Variants in PRDM15 observed in about 807,000 individuals in gnomAD.
The protein encoded by PRDM15 is PR domain zinc finger protein 15.
Under a neutral mutation model 128.6 loss-of-function variants are expected in PRDM15, and 64 were observed. That is an observed-to-expected ratio of 0.50 (90% CI 0.41 to 0.61). The LOEUF is 0.61. Ranked by LOEUF, PRDM15 falls within the 20% of genes least tolerant of loss-of-function variation. PRDM15 has a pLI of 0.00. For missense variants in PRDM15, 1,242 were observed against 1,569.1 expected (o/e 0.79, Z 3.52); for synonymous variants, 615 against 621.8 (o/e 0.99, Z 0.16).
At chr21:41,843,296 C>G (rs1018807282) in intron 6 of PRDM15, among the ~76,000 whole-genome samples, 3 of 152,126 alleles carry the variant, frequency 2.0e-5, no homozygotes, top group African/African-American at 7.2e-5. Flanking sequence ...TGCTCGATTT[C>G]TTTTCCTTTT....
Position 41,859,637 on chromosome 21 carries a change from C to A in PRDM15, c.86G>T (p.Gly29Val). Reference protein sequence around the residue: ...QYHDSECPELGPVVMVKDSFV... With the variant: ...QYHDSECPELVPVVMVKDSFV... ...GGAGTCTTTGACCATGACCACTGGG[C>A]CCAGCTCGGGACATTCGGAGTCGTG... Residue 29 changes from glycine (G) to valine (V), a missense_variant, in exon 3 of 24, where the codon GGC becomes GTC. Coordinates refer to ENST00000398548, the MANE Select transcript of PRDM15 (RefSeq NM_001040424.3). The surrounding 1 kb of genome is among the most constrained non-coding windows in gnomAD (Gnocchi z 5.3). The A allele has an allele frequency of 6.2e-7, 1 of 1,614,030 alleles. No homozygotes were observed. Among genetic ancestry groups the A allele is most frequent in the South Asian group, 1.1e-5 (1 of 91,076 alleles).
chr21:41,828,080 G>GGCCCTGCTGACTGCTCCATGCC lies in PRDM15; in HGVS notation c.1534+64_1534+85dup. 1 of 1,431,748 alleles carries GGCCCTGCTGACTGCTCCATGCC rather than the reference G, an allele frequency of 7.0e-7. No individual in the cohort carries two copies. The highest frequency in any genetic ancestry group is 9.7e-7 in the Non-Finnish European group (1 of 1,030,244). 88.7% of individuals were successfully genotyped at this position (1,431,748 alleles called of 1,614,324 possible). Reference sequence around the variant, plus strand: ...AGGCGGCACCGAACTGCTCCCCAAAGGCCCTGCTGACTGCTCCATGCCGCC... The same window carrying GGCCCTGCTGACTGCTCCATGCC: ...AGGCGGCACCGAACTGCTCCCCAAAGGCCCTGCTGACTGCTCCATGCCGCCCTGCTGACTGCTCCATGCCGCC... On this transcript the variant is annotated intron_variant, in intron 12 of 23. Coordinates refer to ENST00000398548, the MANE Select transcript of PRDM15 (RefSeq NM_001040424.3). The surrounding 1 kb of genome is among the most constrained non-coding windows in gnomAD (Gnocchi z 5.7).
intron 13 of PRDM15, 46 bp from the exon 14 acceptor site, chr21:41,823,495 C>G (rs750360988): frequency 4.0e-5 from 62 of 1,531,702 alleles, no homozygotes; most frequent in Non-Finnish European, 4.3e-5. Context: ...CGTCTCGTGA[C>G]GGGAAGGAGC....
In PRDM15 at chr21:41,819,630, G is replaced by A. The variant is rs1373971885; in HGVS notation, c.2212C>T (p.Arg738Cys). Reference sequence around the variant, plus strand: ...TACTCGCGGACATTGTCGTGCACACGCATGTGCTCCTTCAGCATGTCCTTC... The same window carrying A: ...TACTCGCGGACATTGTCGTGCACACACATGTGCTCCTTCAGCATGTCCTTC... ...ARKDMLKEHMRVHDNVREYLC... is the reference protein window; with the variant it reads ...ARKDMLKEHMCVHDNVREYLC... Residue 738 changes from arginine (R) to cysteine (C), a missense_variant, in exon 18 of 24, where the codon CGT becomes TGT. By Grantham distance (180) the Arg-to-Cys change is radical. Around this residue, in one of 3 missense-constraint regions of PRDM15, gnomAD observed 602 missense variants for 788.3 expected, o/e 0.76. Transcript: ENST00000398548. 8 of 1,611,628 alleles carry A rather than the reference G, an allele frequency of 5.0e-6. No homozygotes were observed. Among genetic ancestry groups the A allele is most frequent in the East Asian group, 2.2e-5 (1 of 44,832 alleles).
chr21:41,819,985 G>T, intron 17 of PRDM15, 110 bp downstream of exon 17: 1 of 920,248 alleles, frequency 1.1e-6, no homozygotes, highest in Non-Finnish European at 1.7e-6. Context: ...AGGCATGGGG[G>T]AGGCAAGGTG....
chr21:41,819,306 C>T (rs903489011), intron 18 of PRDM15, among the ~76,000 whole-genome samples: 3 of 151,474 alleles, frequency 2.0e-5, no homozygotes, highest in Non-Finnish European at 3.0e-5. Flanking sequence ...GAGCCTGGCC[C>T]GTGGCCCCCA....
intron 6 of PRDM15, among the ~76,000 whole-genome samples, chr21:41,842,439 T>C (rs2063101655): frequency 6.6e-6 from 1 of 152,236 alleles, no homozygotes; most frequent in Non-Finnish European, 1.5e-5. Context: ...GTATTCATAA[T>C]TATGACCATA....
chr21:41,862,728 G>A lies in PRDM15; in HGVS notation c.-9-2356C>T, dbSNP rs2063862413. Among the ~76,000 whole-genome samples the A allele has an allele frequency of 2.0e-5, 3 of 152,176 alleles. No homozygotes were observed. The highest frequency in any genetic ancestry group is 4.4e-5 in the Non-Finnish European group (3 of 68,036). On this transcript the variant is annotated intron_variant, in intron 1 of 23. Transcript: ENST00000398548. The surrounding 1 kb of genome is among the most constrained non-coding windows in gnomAD (Gnocchi z 4.1). ...ACGGAGCATCTTCAAAGTCTTTGCT[G>A]TCTTGGCAAAACTCCCTTTAACACT...
intron 1 of PRDM15, chr21:41,861,502 A>G (rs1355324402): frequency 7.1e-7 from 1 of 1,402,944 alleles, no homozygotes; most frequent in South Asian, 1.3e-5. Context: ...AGATACACAC[A>G]GTATGTGCCA....
At position 41,859,546 on chromosome 21, in the gene PRDM15, C is replaced by A. The variant is rs766013766; in HGVS notation, c.131+46G>T. 55 of 1,507,280 alleles carry A rather than the reference C, an allele frequency of 3.6e-5. No individual in the cohort carries two copies. The highest frequency in any genetic ancestry group is 4.5e-5 in the Non-Finnish European group (49 of 1,088,386). 93.4% of individuals were successfully genotyped at this position (1,507,280 alleles called of 1,614,324 possible). A position where few individuals can be genotyped will look rare whatever the true frequency, so the allele number is the denominator to read the frequency against. On this transcript the variant is annotated intron_variant, in intron 3 of 23. Coordinates refer to ENST00000398548, the MANE Select transcript of PRDM15 (RefSeq NM_001040424.3). The surrounding 1 kb of genome is among the most constrained non-coding windows in gnomAD (Gnocchi z 5.3). ...GACCCAAAGGCCACTAGGCTCCTGC[C>A]GCAGCTGGCATATGGAAGGCCCGGG... is the stretch of plus-strand genomic sequence containing the variant.
At chr21:41,817,375 G>A (rs75790277) in intron 18 of PRDM15, among the ~76,000 whole-genome samples, 2,119 of 152,226 alleles carry the variant, frequency 0.014, 25 homozygotes, top group Non-Finnish European at 0.021. Context: ...TGAACAAGAC[G>A]TTTTCCTCCA....
In PRDM15 at chr21:41,859,206, C is replaced by T. The variant is rs575843305; in HGVS notation, c.131+386G>A. ...ATCCCCTGCCCCGCCTGGGTGTGCACGTGTCCGCTGGCAGGCCAAGACCTG... is the reference window on the plus strand; with the variant it reads ...ATCCCCTGCCCCGCCTGGGTGTGCATGTGTCCGCTGGCAGGCCAAGACCTG... On this transcript the variant is annotated intron_variant, in intron 3 of 23. Coordinates refer to ENST00000398548, the MANE Select transcript of PRDM15 (RefSeq NM_001040424.3). The surrounding 1 kb of genome is among the most constrained non-coding windows in gnomAD (Gnocchi z 5.3). The T allele has an allele frequency of 9.9e-6, 16 of 1,613,928 alleles. No individual in the cohort carries two copies. The highest frequency in any genetic ancestry group is 4.5e-5 in the East Asian group (2 of 44,878).
At chr21:41,843,541 C>G (rs532397531) in intron 6 of PRDM15, among the ~76,000 whole-genome samples, 1 of 152,182 alleles carries the variant, frequency 6.6e-6, no homozygotes, top group African/African-American at 2.4e-5. Context: ...ACTTCTGAGC[C>G]CCACCTTTCC....
chr21:41,840,688 C>T (rs1009595548), intron 6 of PRDM15, among the ~76,000 whole-genome samples: 1 of 151,776 alleles, frequency 6.6e-6, no homozygotes, highest in Non-Finnish European at 1.5e-5. Context: ...GACACATACA[C>T]ACAAACTCAA....
At chr21:41,822,083 C>G (rs770097027) in intron 14 of PRDM15, 46 bp from the exon 15 acceptor site, 1 of 1,610,344 alleles carries the variant, frequency 6.2e-7, no homozygotes. Context: ...GCAGCAGACG[C>G]TTCACTCAGT....
At chr21:41,801,824 G>A in intron 23 of PRDM15, 102 bp from the exon 24 acceptor site, 6 of 1,274,430 alleles carry the variant, frequency 4.7e-6, no homozygotes, top group Non-Finnish European at 6.5e-6. Flanking sequence ...AAAGAAGCAC[G>A]ACATTCTTTG....
chr21:41,827,913 G>A (rs2062524929), intron 12 of PRDM15, among the ~76,000 whole-genome samples: 1 of 152,128 alleles, frequency 6.6e-6, no homozygotes, highest in African/African-American at 2.4e-5. Context: ...CTTCCCCAGT[G>A]TGGAACATTT....
chr21:41,878,728 G>T, intron 1 of PRDM15: 1 of 1,572,162 alleles, frequency 6.4e-7, no homozygotes, highest in East Asian at 2.5e-5. Flanking sequence ...GGGGTTGGGG[G>T]TCCAGGGACC....
In PRDM15 at chr21:41,845,602, T is replaced by G. The variant is rs150290090; in HGVS notation, c.640+1488A>C. Among the ~76,000 whole-genome samples, 14 of 152,138 alleles carry G rather than the reference T, an allele frequency of 9.2e-5. No homozygotes were observed. In the East Asian group the frequency reaches 2.8e-3, roughly 30 times the overall value. ...GGCAGGGACTCCTGCCTCTGTTTACTCATCCCTGAAATGGAGCCACGGTTG... is the reference window on the plus strand; with the variant it reads ...GGCAGGGACTCCTGCCTCTGTTTACGCATCCCTGAAATGGAGCCACGGTTG... On this transcript the variant is annotated intron_variant, in intron 6 of 23. Coordinates refer to ENST00000398548, the MANE Select transcript of PRDM15 (RefSeq NM_001040424.3).
Sources: gnomAD v4.1 joint callset for allele counts (sites outside exome capture counted in the v4.1 genomes callset) on GRCh38, gnomAD v4.1.1 for gene constraint, gnomAD v4.1.1 regional missense constraint, Gnocchi (gnomAD v3.1) non-coding constraint, MANE v1.5 for transcripts, NCBI Gene and HGNC (gene_info 2026-07-23, HGNC 2026-07-21) for gene names.